Variants in GRIK5 observed in about 807,000 individuals in gnomAD.
GRIK5 encodes glutamate ionotropic receptor kainate type subunit 5, also known as glutamate receptor ionotropic, kainate 5.
A neutral mutation model predicts 97.4 loss-of-function variants in GRIK5; 43 were observed. The observed-to-expected ratio is 0.44, with a 90% confidence interval of 0.35 to 0.57. The LOEUF (loss-of-function observed/expected upper bound fraction) is 0.57, where lower values mean the gene tolerates loss of function less well. Among genes scored for constraint, GRIK5 ranks in the 20% least tolerant of loss-of-function variants. The probability of loss-of-function intolerance (pLI) is 0.01; values close to 1 mark genes in which losing one functional copy is unlikely to be tolerated. For missense variants in GRIK5, 1,015 were observed against 1,382.0 expected (o/e 0.73, Z 4.21); for synonymous variants, 580 against 583.5 (o/e 0.99, Z 0.09).
At position 42,042,882 on chromosome 19, in the gene GRIK5, T is replaced by C; in HGVS notation, c.1270-127A>G. On this transcript the variant is annotated intron_variant, in intron 11 of 19. Coordinates refer to ENST00000593562, the MANE Select transcript of GRIK5 (RefSeq NM_002088.5). This position sits in a 1 kb window ranked among gnomAD's most constrained non-coding sequence, Gnocchi z 6.9. ...CTGAGCACGGTTGATTTATTCATAGTACACATTTCTCACTTACAAATGCTC... is the reference window on the plus strand; with the variant it reads ...CTGAGCACGGTTGATTTATTCATAGCACACATTTCTCACTTACAAATGCTC... 2 of 694,526 alleles carry C rather than the reference T, an allele frequency of 2.9e-6. No homozygotes were observed. Among genetic ancestry groups the C allele is most frequent in the Non-Finnish European group, 4.8e-6 (2 of 414,084 alleles). The allele number at this position is 694,526 out of a possible 1,614,324, so 43.0% of individuals were successfully genotyped here. A position where few individuals can be genotyped will look rare whatever the true frequency, so the allele number is the denominator to read the frequency against.
chr19:42,022,753 G>A lies in GRIK5; in HGVS notation c.1474-399C>T. 1 of 752,580 alleles carries A rather than the reference G, an allele frequency of 1.3e-6. No individual in the cohort carries two copies. The highest frequency in any genetic ancestry group is 1.6e-6 in the Non-Finnish European group (1 of 617,548). The allele number at this position is 752,580 out of a possible 1,614,324, so 46.6% of individuals were successfully genotyped here. A position where few individuals can be genotyped will look rare whatever the true frequency, so the allele number is the denominator to read the frequency against. On this transcript the variant is annotated intron_variant, in intron 12 of 19. Coordinates refer to ENST00000593562, the MANE Select transcript of GRIK5 (RefSeq NM_002088.5). This position sits in a 1 kb window ranked among gnomAD's most constrained non-coding sequence, Gnocchi z 4.2. ...ATAATACAGGCCCGGACAGAACACA[G>A]AGCAGGGAGAGAGGAGGCAGGGCCC...
intron 8 of GRIK5, among the ~76,000 whole-genome samples, 173 bp downstream of exon 8, chr19:42,056,489 T>C (rs1599839480): frequency 6.6e-6 from 1 of 151,794 alleles, no homozygotes. Context: ...GCCAGAGTGG[T>C]GTGGGAGGTA....
chr19:42,013,185 T>C (rs2075584032), intron 15 of GRIK5, among the ~76,000 whole-genome samples: 1 of 134,102 alleles, frequency 7.5e-6, no homozygotes, highest in African/African-American at 2.8e-5. Context: ...AAGAACTCTC[T>C]ACAAAAAAAA....
intron 6 of GRIK5, among the ~76,000 whole-genome samples, 194 bp downstream of exon 6, chr19:42,059,155 C>T (rs2076226062): frequency 6.6e-6 from 1 of 152,168 alleles, no homozygotes; most frequent in Non-Finnish European, 1.5e-5. Context: ...CAGGGAGATG[C>T]GGTGACTGCT....
intron 5 of GRIK5, among the ~76,000 whole-genome samples, chr19:42,060,527 T>C (rs1159627917): frequency 6.6e-6 from 1 of 151,078 alleles, no homozygotes; most frequent in Admixed American, 6.6e-5. Context: ...TGATCCCTAA[T>C]AGCCTAATAT....
intron 19 of GRIK5, chr19:42,001,992 A>G: frequency 1.6e-6 from 1 of 614,068 alleles, no homozygotes; most frequent in Admixed American, 2.9e-5. Flanking sequence ...CCAACGAGGG[A>G]GCCTGGGAAG....
intron 15 of GRIK5, among the ~76,000 whole-genome samples, chr19:42,016,486 G>T (rs921403819): frequency 2.0e-5 from 3 of 152,220 alleles, no homozygotes; most frequent in African/African-American, 7.2e-5. Context: ...TACACACCAT[G>T]CACCCTCTGG....
chr19:42,055,046 T>C (rs771919406), intron 8 of GRIK5, among the ~76,000 whole-genome samples: 2 of 152,216 alleles, frequency 1.3e-5, no homozygotes, highest in Non-Finnish European at 2.9e-5. Context: ...TTTCCTTCTC[T>C]GTAAAATGAG....
At chr19:42,035,473 G>A (rs1210614) in intron 12 of GRIK5, among the ~76,000 whole-genome samples, 152,230 of 152,232 alleles carry the variant, frequency 1, 76,114 homozygotes, top group Middle Eastern at 1. Flanking sequence ...TTGGGAGGCC[G>A]AGGTGAGCAG....
chr19:42,030,805 G>A (rs1325340202), intron 12 of GRIK5, among the ~76,000 whole-genome samples: 1 of 152,072 alleles, frequency 6.6e-6, no homozygotes, highest in Non-Finnish European at 1.5e-5. Context: ...TGCCAGACTG[G>A]ACCCTGCCAG....
At position 42,022,915 on chromosome 19, in the gene GRIK5, C is replaced by T. The variant is rs994618292; in HGVS notation, c.1474-561G>A. On this transcript the variant is annotated intron_variant, in intron 12 of 19. Transcript: ENST00000593562. This position sits in a 1 kb window ranked among gnomAD's most constrained non-coding sequence, Gnocchi z 4.2. ...CCCAAACAGCATCCTGGTCAGGAGA[C>T]GACACTGGTACCAAAGCACAACCCT... Among the ~76,000 whole-genome samples, 1 of 151,886 alleles carries T rather than the reference C, an allele frequency of 6.6e-6. No homozygotes were observed. Among genetic ancestry groups the T allele is most frequent in the Non-Finnish European group, 1.5e-5 (1 of 68,000 alleles).
Position 41,999,161 on chromosome 19 carries a change from G to A in GRIK5, c.2653C>T (p.Leu885Phe), listed in dbSNP as rs1555870279. ...GCCGAGTAGAGCTTGCCGTTGCTGA[G>A]GCGCATCTCGCGGACCGCGCGCAGT... Reference protein sequence around the residue: ...LSLRAVREMRLSNGKLYSAGA... With the variant: ...LSLRAVREMRFSNGKLYSAGA... The change falls in exon 20 of 20, where the codon CTC (leucine) becomes TTC (phenylalanine). Residue 885 changes from leucine to phenylalanine, a missense_variant. Coordinates refer to ENST00000593562, the MANE Select transcript of GRIK5 (RefSeq NM_002088.5). The surrounding 1 kb of genome is among the most constrained non-coding windows in gnomAD (Gnocchi z 5.0). 1 of 1,503,990 alleles carries A rather than the reference G, an allele frequency of 6.6e-7. No individual in the cohort carries two copies. The highest frequency in any genetic ancestry group is 1.2e-5 in the South Asian group (1 of 81,188). 93.2% of individuals were successfully genotyped at this position (1,503,990 alleles called of 1,614,324 possible).
rs775986852 is a variant in GRIK5 at position 42,069,667 on chromosome 19, G to A, written c.-477C>T. On this transcript the variant is annotated 5_prime_UTR_variant, in exon 1 of 20. Coordinates refer to ENST00000593562, the MANE Select transcript of GRIK5 (RefSeq NM_002088.5). ...CGGGCCGGCCTGGGGGGGCCACAGGGGGCGAGGACTGGGTGGAGAAAAGGA... is the reference window on the plus strand; with the variant it reads ...CGGGCCGGCCTGGGGGGGCCACAGGAGGCGAGGACTGGGTGGAGAAAAGGA... 2.4e-4 allele frequency among the ~76,000 whole-genome samples: 37 copies of A among 151,334 alleles called. No homozygotes were observed. Among genetic ancestry groups the A allele is most frequent in the Non-Finnish European group, 4.6e-4 (31 of 67,578 alleles).
chr19:42,022,126 A>G lies in GRIK5; in HGVS notation c.1588-70T>C, dbSNP rs1312601895. On this transcript the variant is annotated intron_variant, in intron 13 of 19. Coordinates refer to ENST00000593562, the MANE Select transcript of GRIK5 (RefSeq NM_002088.5). The surrounding 1 kb of genome is among the most constrained non-coding windows in gnomAD (Gnocchi z 4.2). ...CCTCACACCCAGCCCCTGCCCTACC[A>G]GGGACCTGGGAGCCTGACCGGCCCA... The G allele has an allele frequency of 2.1e-6, 3 of 1,410,826 alleles. No individual in the cohort carries two copies. Among genetic ancestry groups the G allele is most frequent in the Non-Finnish European group, 3.0e-6 (3 of 1,007,464 alleles). The allele number at this position is 1,410,826 out of a possible 1,614,324, so 87.4% of individuals were successfully genotyped here.
intron 11 of GRIK5, among the ~76,000 whole-genome samples, chr19:42,049,077 A>T (rs1215159278): frequency 1.3e-5 from 2 of 152,076 alleles, no homozygotes; most frequent in Non-Finnish European, 2.9e-5. Flanking sequence ...ATAGCCAATA[A>T]ACACAAAAAG....
chr19:41,999,879 CGAT>C lies in GRIK5; in HGVS notation c.2515-583_2515-581del, dbSNP rs1555870556. 6.6e-6 allele frequency among the ~76,000 whole-genome samples: 1 copy of C among 152,090 alleles called. No individual in the cohort carries two copies. The highest frequency in any genetic ancestry group is 1.5e-5 in the Non-Finnish European group (1 of 68,028). ...CCTAAGGTGTATGGGTAGGGAGTGA[CGAT>C]GAATTCTGAGACAGGACAGTCAAGG... On this transcript the variant is annotated intron_variant, in intron 19 of 19. Coordinates refer to ENST00000593562, the MANE Select transcript of GRIK5 (RefSeq NM_002088.5). The surrounding 1 kb of genome is among the most constrained non-coding windows in gnomAD (Gnocchi z 5.0).
At position 42,065,655 on chromosome 19, in the gene GRIK5, C is replaced by A; in HGVS notation, c.79+37G>T. On this transcript the variant is annotated intron_variant, in intron 2 of 19. Coordinates refer to ENST00000593562, the MANE Select transcript of GRIK5 (RefSeq NM_002088.5). This position sits in a 1 kb window ranked among gnomAD's most constrained non-coding sequence, Gnocchi z 5.8. ...CTGGGTCCCCAGAGGAGCCCCAGGG[C>A]CTGAGGATGCAGGGGCAGGGTGCGG... The A allele has an allele frequency of 6.7e-7, 1 of 1,501,728 alleles. No individual in the cohort carries two copies. Among genetic ancestry groups the A allele is most frequent in the Non-Finnish European group, 9.0e-7 (1 of 1,107,484 alleles). 93.0% of individuals were successfully genotyped at this position (1,501,728 alleles called of 1,614,324 possible). A position where few individuals can be genotyped will look rare whatever the true frequency, so the allele number is the denominator to read the frequency against.
At chr19:42,025,461 G>A (rs2075759284) in intron 12 of GRIK5, among the ~76,000 whole-genome samples, 1 of 152,110 alleles carries the variant, frequency 6.6e-6, no homozygotes, top group Non-Finnish European at 1.5e-5. Context: ...AGGGCTGACT[G>A]ATGGGAGGAG....
At chr19:42,053,069 GGC>G (rs2076137111) in intron 11 of GRIK5, among the ~76,000 whole-genome samples, 2 of 152,120 alleles carry the variant, frequency 1.3e-5, no homozygotes, top group South Asian at 4.1e-4. Context: ...ATGCAGGAGT[GGC>G]ACCCCCAGGG....
Sources: allele counts gnomAD v4.1 joint callset (sites outside exome capture counted in the v4.1 genomes callset), GRCh38; gene constraint gnomAD v4.1.1; non-coding constraint Gnocchi (gnomAD v3.1); transcripts MANE v1.5; gene names NCBI Gene and HGNC (gene_info 2026-07-23, HGNC 2026-07-21).